Variants in LDAH observed in about 807,000 individuals in gnomAD.
LDAH encodes lipid droplet-associated hydrolase.
Under a neutral mutation model 29.6 loss-of-function variants are expected in LDAH, and 26 were observed. The observed-to-expected ratio is 0.88, with a 90% CI of 0.64 to 1.22. The LOEUF is 1.22. Among genes scored for constraint, LDAH ranks in the 50% most tolerant of loss-of-function variants. The pLI is 0.00. For synonymous variants in LDAH, 117 were observed against 133.0 expected (o/e 0.88, Z 0.83); for missense variants, 344 against 387.3 (o/e 0.89, Z 0.94).
In LDAH at chr2:20,818,659, TTGAA is replaced by T. The variant is rs1358200791; in HGVS notation, c.-3+4374_-3+4377del. ...AGCAGGCAATTAATAGAACAAGAAA[TTGAA>T]GGTCAAAGATGTTTACATTTTTTGT... is the stretch of plus-strand genomic sequence containing the variant. On this transcript the variant is annotated intron_variant, in intron 1 of 6. Transcript: ENST00000237822. Among the ~76,000 whole-genome samples, 4 of 152,140 alleles carry T rather than the reference TTGAA, an allele frequency of 2.6e-5. No homozygotes were observed. In the South Asian group the frequency reaches 8.3e-4, roughly 32 times the overall value.
At chr2:20,737,144 T>C (rs923602839) in intron 5 of LDAH, among the ~76,000 whole-genome samples, 14 of 152,278 alleles carry the variant, frequency 9.2e-5, no homozygotes, top group African/African-American at 3.4e-4. Context: ...AAATCTAGGA[T>C]ATATGTGGTA....
intron 4 of LDAH, among the ~76,000 whole-genome samples, chr2:20,754,080 A>G (rs1198678047): frequency 6.6e-6 from 1 of 152,228 alleles, no homozygotes; most frequent in Non-Finnish European, 1.5e-5. Context: ...AGATTGGATC[A>G]GGCAAGGATA....
intron 1 of LDAH, among the ~76,000 whole-genome samples, chr2:20,817,687 G>A (rs1451374631): frequency 2.6e-5 from 4 of 152,116 alleles, no homozygotes; most frequent in African/African-American, 7.2e-5. Flanking sequence ...GGGGAAAAAT[G>A]TATGTTCACT....
In LDAH at chr2:20,801,400, C is replaced by T. The variant is rs144676974; in HGVS notation, c.64G>A (p.Glu22Lys). The part of the protein sequence containing the change: ...HEEFILCGGA[E>K]TQVLKCGPWT... ...GGCCCACATTTTAGAACCTGGGTTT[C>T]GGCTCCACCACACAAAATGAATTCC... The change falls in exon 2 of 7, where the codon GAA (glutamate) becomes AAA (lysine). Residue 22 changes from glutamate (E) to lysine (K), a missense_variant. Transcript: ENST00000237822. The T allele has an allele frequency of 5.0e-4, 807 of 1,614,076 alleles. 7 individuals carry two copies. In the East Asian group the frequency reaches 0.012, roughly 24 times the overall value.
chr2:20,735,122 T>C (rs1469109681), intron 5 of LDAH, among the ~76,000 whole-genome samples: 1 of 152,214 alleles, frequency 6.6e-6, no homozygotes, highest in African/African-American at 2.4e-5. Context: ...GGGTTTATTC[T>C]GTTTTAAATT....
chr2:20,709,606 A>G (rs1664557604), intron 5 of LDAH, among the ~76,000 whole-genome samples: 1 of 152,198 alleles, frequency 6.6e-6, no homozygotes, highest in South Asian at 2.1e-4. Flanking sequence ...GCAGTTCCCT[A>G]AAATATTAAA....
intron 6 of LDAH, among the ~76,000 whole-genome samples, chr2:20,687,312 G>C (rs55681439): frequency 6.6e-6 from 1 of 152,104 alleles, no homozygotes; most frequent in Non-Finnish European, 1.5e-5. Flanking sequence ...CCCCATGCTG[G>C]GAGACTCTTG....
intron 4 of LDAH, among the ~76,000 whole-genome samples, chr2:20,748,919 C>A (rs587139): frequency 0.9 from 136,625 of 152,152 alleles, 61,407 homozygotes; most frequent in East Asian, 1. Context: ...CACCCCACCA[C>A]TATCTTTGGC....
At chr2:20,778,114 T>C (rs942488923) in intron 3 of LDAH, among the ~76,000 whole-genome samples, 1 of 152,220 alleles carries the variant, frequency 6.6e-6, no homozygotes, top group Non-Finnish European at 1.5e-5. Context: ...CAGACTGTTA[T>C]TGTATCTATG....
At chr2:20,774,162 A>AT (rs113604535) in intron 4 of LDAH, among the ~76,000 whole-genome samples, 2,245 of 152,278 alleles carry the variant, frequency 0.015, 57 homozygotes, top group African/African-American at 0.051. Flanking sequence ...TGAAAGTACA[A>AT]TTTTTTTGTT....
At chr2:20,818,403 T>G (rs532051195) in intron 1 of LDAH, among the ~76,000 whole-genome samples, 1 of 152,110 alleles carries the variant, frequency 6.6e-6, no homozygotes, top group Non-Finnish European at 1.5e-5. Flanking sequence ...AACATACAGG[T>G]GAAAGTCAAC....
intron 5 of LDAH, among the ~76,000 whole-genome samples, chr2:20,728,942 ATTTG>A (rs1255796506): frequency 6.6e-6 from 1 of 152,202 alleles, no homozygotes; most frequent in Non-Finnish European, 1.5e-5. Flanking sequence ...TGCTCCAAAA[ATTTG>A]TTTGCTAGTT....
intron 5 of LDAH, among the ~76,000 whole-genome samples, chr2:20,726,716 T>C (rs1666042747): frequency 6.6e-6 from 1 of 152,210 alleles, no homozygotes. Flanking sequence ...GTCAACATAG[T>C]TTATTATGTA....
At position 20,684,156 on chromosome 2, in the gene LDAH, C is replaced by G. The variant is rs191540807; in HGVS notation, c.*2747G>C. 1.4e-4 allele frequency: 22 copies of G among 152,318 alleles called. No individual in the cohort carries two copies. In the East Asian group the frequency reaches 4.1e-3, roughly 28 times the overall value. The allele number at this position is 152,318 out of a possible 1,614,324, so 9.4% of individuals were successfully genotyped here. A position where few individuals can be genotyped will look rare whatever the true frequency, so the allele number is the denominator to read the frequency against. ...CAGTAAACAGACATGATGCCCCTCA[C>G]CCCCAGATACCTCAGTGTCTCCAGT... On this transcript the variant is annotated 3_prime_UTR_variant, in exon 7 of 7. Transcript: ENST00000237822.
chr2:20,779,973 G>A (rs1196642492), intron 3 of LDAH, among the ~76,000 whole-genome samples: 1 of 152,104 alleles, frequency 6.6e-6, no homozygotes, highest in East Asian at 1.9e-4. Context: ...CCCTAATTCT[G>A]TAGGCTTACC....
intron 3 of LDAH, among the ~76,000 whole-genome samples, chr2:20,779,473 G>GA (rs1041009419): frequency 6.6e-6 from 1 of 150,908 alleles, no homozygotes; most frequent in Admixed American, 6.6e-5. Context: ...TTTTTTTTAA[G>GA]AAAAAATAAA....
At chr2:20,775,341 A>T (rs533491920) in intron 3 of LDAH, among the ~76,000 whole-genome samples, 2 of 152,314 alleles carry the variant, frequency 1.3e-5, no homozygotes, top group Non-Finnish European at 2.9e-5. Flanking sequence ...AGTGGTTCTC[A>T]AACTTGAGCA....
At chr2:20,761,034 G>C (rs1262264151) in intron 4 of LDAH, among the ~76,000 whole-genome samples, 1 of 152,110 alleles carries the variant, frequency 6.6e-6, no homozygotes, top group African/African-American at 2.4e-5. Context: ...ACTATTCCGA[G>C]ACCATAATAA....
intron 3 of LDAH, among the ~76,000 whole-genome samples, chr2:20,776,438 T>G (rs895617786): frequency 2.0e-5 from 3 of 152,180 alleles, no homozygotes; most frequent in Non-Finnish European, 2.9e-5. Flanking sequence ...ACAATTCAGG[T>G]CTTGCTTATC....
Sources: gnomAD v4.1 joint callset for allele counts (sites outside exome capture counted in the v4.1 genomes callset) on GRCh38, gnomAD v4.1.1 for gene constraint, MANE v1.5 for transcripts, NCBI Gene and HGNC (gene_info 2026-07-23, HGNC 2026-07-21) for gene names.